Variants in COPA observed in about 807,000 individuals in gnomAD.
The protein encoded by COPA is coat protein complex I subunit alpha.
A neutral mutation model predicts 158.7 loss-of-function variants in COPA; 10 were observed. That is an observed-to-expected ratio of 0.06 (90% CI 0.04 to 0.11). The LOEUF is 0.11. Among genes scored for constraint, COPA ranks in the 10% least tolerant of loss-of-function variants. The probability of loss-of-function intolerance (pLI) is 1.00; values close to 1 mark genes in which losing one functional copy is unlikely to be tolerated. For missense variants in COPA, 1,065 were observed against 1,536.7 expected, an observed-to-expected ratio of 0.69 and a Z score of 5.13; for synonymous variants, 462 against 542.8, an observed-to-expected ratio of 0.85 and a Z score of 2.07.
Position 160,340,307 on chromosome 1 carries a change from G to C in COPA, c.41-13C>G, listed in dbSNP as rs1462460658. ...TGAAAGCTGAGCCCTGAAAAAAATA[G>C]AAAATGATACAATGAGCTAACTAAG... On this transcript the variant is annotated splice_polypyrimidine_tract_variant and intron_variant, in intron 1 of 32. Transcript: ENST00000241704. The C allele has an allele frequency of 6.4e-7, 1 of 1,561,646 alleles. No homozygotes were observed. Among genetic ancestry groups the C allele is most frequent in the African/African-American group, 1.4e-5 (1 of 73,860 alleles).
rs1007906183 is a variant in COPA, at chr1:160,299,202, T to C, written c.1730A>G (p.Asn577Ser). Reference protein sequence around the residue: ...PIYVTRVKGNNVYCLDRECRP... With the variant: ...PIYVTRVKGNSVYCLDRECRP... Reference sequence around the variant, plus strand: ...ACACTCCCTGTCTAGGCAGTATACATTGTTGCCCTTCACCCGTGTGACATA... The same window carrying C: ...ACACTCCCTGTCTAGGCAGTATACACTGTTGCCCTTCACCCGTGTGACATA... The change falls in exon 18 of 33, where the codon AAT (asparagine) becomes AGT (serine). Residue 577 changes from asparagine (N) to serine (S), a missense_variant. Asn to Ser is a conservative substitution (Grantham distance 46, BLOSUM62 1). This residue lies in a region of COPA where 980 missense variants were observed against 1,357.8 expected (regional missense o/e 0.72). Coordinates refer to ENST00000241704, the MANE Select transcript of COPA (RefSeq NM_004371.4). The C allele has an allele frequency of 6.2e-7, 1 of 1,614,070 alleles. No individual in the cohort carries two copies. Among genetic ancestry groups the C allele is most frequent in the African/African-American group, 1.3e-5 (1 of 74,920 alleles).
Position 160,295,857 on chromosome 1 carries a change from G to T in COPA, c.2355C>A (p.Ile785=). Residue 785 remains isoleucine, a splice_region_variant and synonymous_variant, in exon 23 of 33, where the codon ATC becomes ATA. Coordinates refer to ENST00000241704, the MANE Select transcript of COPA (RefSeq NM_004371.4). The stretch of plus-strand genomic sequence containing the variant: ...GCTTGGCATTAGGGTCAATGTCTGG[G>T]ATCTGAATAGTAGAAGAAAAGAGGC... The part of the protein sequence containing the change: ...KETFDPEKET[I]PDIDPNAKLL... 1 of 1,604,524 alleles carries T rather than the reference G, an allele frequency of 6.2e-7. No individual in the cohort carries two copies. The highest frequency in any genetic ancestry group is 8.5e-7 in the Non-Finnish European group (1 of 1,177,410).
intron 8 of COPA, among the ~76,000 whole-genome samples, chr1:160,314,919 C>T (rs542565532): frequency 4.6e-5 from 7 of 152,140 alleles, no homozygotes; most frequent in African/African-American, 1.4e-4. Context: ...TCATACTCCT[C>T]AAAATAAGGG....
chr1:160,296,175 ATAGG>A, intron 21 of COPA, 26 bp from the exon 22 acceptor site: 1 of 1,601,634 alleles, frequency 6.2e-7, no homozygotes, highest in African/African-American at 1.3e-5. Flanking sequence ...ACTTTGTGGT[ATAGG>A]TACATTTCCA....
At chr1:160,294,407 T>C (rs1246448599) in intron 25 of COPA, 77 bp downstream of exon 25, 7 of 1,248,920 alleles carry the variant, frequency 5.6e-6, no homozygotes, top group African/African-American at 3.0e-5. Context: ...CTGAGGATAG[T>C]GGTAGGGGAC....
At chr1:160,310,520 C>A (rs1190828013) in intron 11 of COPA, 2 of 266,706 alleles carry the variant, frequency 7.5e-6, no homozygotes. Flanking sequence ...GTAGGGTTAA[C>A]ACTCACTGTA....
Position 160,305,363 on chromosome 1 carries a change from C to T in COPA, c.1667+70G>A, listed in dbSNP as rs1340647160. ...GAAAATTCATGGAGGACTTCAGTTACATCTCAAGACAAGACAGTGATTTCA... is the reference window on the plus strand; with the variant it reads ...GAAAATTCATGGAGGACTTCAGTTATATCTCAAGACAAGACAGTGATTTCA... On this transcript the variant is annotated intron_variant, in intron 17 of 32. Coordinates refer to ENST00000241704, the MANE Select transcript of COPA (RefSeq NM_004371.4). 8 of 1,498,204 alleles carry T rather than the reference C, an allele frequency of 5.3e-6. No individual in the cohort carries two copies. In the Admixed American group the frequency reaches 7.3e-5, roughly 14 times the overall value. The allele number at this position is 1,498,204 out of a possible 1,614,324, so 92.8% of individuals were successfully genotyped here. A position where few individuals can be genotyped will look rare whatever the true frequency, so the allele number is the denominator to read the frequency against.
rs1019701478 is a variant in COPA at position 160,305,994 on chromosome 1, T to C, written c.1443-221A>G. 15 of 593,404 alleles carry C rather than the reference T, an allele frequency of 2.5e-5. No individual in the cohort carries two copies. The African/African-American group carries it at 2.8e-4, about 11-fold the overall frequency. 36.8% of individuals were successfully genotyped at this position (593,404 alleles called of 1,614,324 possible). A position where few individuals can be genotyped will look rare whatever the true frequency, so the allele number is the denominator to read the frequency against. ...CCTTCCTCAACCCCCTCTCCCTCAT[T>C]TCCTTGTATTATTAGGGAATCTGTG... On this transcript the variant is annotated intron_variant, in intron 15 of 32. Transcript: ENST00000241704.
In COPA at chr1:160,299,514, C is replaced by T. The variant is rs61801293; in HGVS notation, c.1668-250G>A. Among the ~76,000 whole-genome samples the T allele has an allele frequency of 5.8e-3, 884 of 152,154 alleles. 1 individual carries two copies. Among genetic ancestry groups the T allele is most frequent in the Middle Eastern group, 0.017 (5 of 294 alleles). On this transcript the variant is annotated intron_variant, in intron 17 of 32. Transcript: ENST00000241704. The stretch of plus-strand genomic sequence containing the variant: ...ACAGATGTGGCTATAGGAATCAGAC[C>T]TAAAAGTTAAATCTTAAGTTCTGAT...
intron 27 of COPA, 52 bp downstream of exon 27, chr1:160,293,114 C>G: frequency 6.4e-7 from 1 of 1,567,486 alleles, no homozygotes; most frequent in South Asian, 1.1e-5. Context: ...TCAACCATCT[C>G]CCGGGGACCC....
rs150479655 is a variant in COPA at position 160,332,328 on chromosome 1, C to T, written c.496+120G>A. ...TTCAACAACCTCAGAAACAAAGATGCTATTATAAAACAGAATATTCTAAAT... is the reference window on the plus strand; with the variant it reads ...TTCAACAACCTCAGAAACAAAGATGTTATTATAAAACAGAATATTCTAAAT... On this transcript the variant is annotated intron_variant, in intron 6 of 32. Coordinates refer to ENST00000241704, the MANE Select transcript of COPA (RefSeq NM_004371.4). 5 of 518,536 alleles carry T rather than the reference C, an allele frequency of 9.6e-6. No individual in the cohort carries two copies. In the Admixed American group the frequency reaches 1.1e-4, roughly 12 times the overall value. The allele number at this position is 518,536 out of a possible 1,614,324, so 32.1% of individuals were successfully genotyped here.
At chr1:160,298,033 T>A (rs1419403503) in intron 19 of COPA, among the ~76,000 whole-genome samples, 1 of 151,694 alleles carries the variant, frequency 6.6e-6, no homozygotes, top group African/African-American at 2.4e-5. Flanking sequence ...CAAAAAAAAT[T>A]AGCTGGGAAT....
Position 160,307,221 on chromosome 1 carries a change from C to G in COPA, c.1244G>C (p.Gly415Ala). 5.0e-6 allele frequency: 8 copies of G among 1,614,154 alleles called. No individual in the cohort carries two copies. Among genetic ancestry groups the G allele is most frequent in the Non-Finnish European group, 6.8e-6 (8 of 1,180,008 alleles). The change falls in exon 14 of 33, where the codon GGC becomes GCC. Residue 415 changes from glycine (G) to alanine (A), a missense_variant. Gly to Ala is a moderately conservative substitution (Grantham distance 60, BLOSUM62 0). Coordinates refer to ENST00000241704, the MANE Select transcript of COPA (RefSeq NM_004371.4). ...PDAPEGKRSSGLTAVWVARNR... is the reference protein window; with the variant it reads ...PDAPEGKRSSALTAVWVARNR... ...TCGAGCGACCCAAACGGCTGTCAGG[C>G]CTGAGGATCGTTTCCCTTCAGGCGC... is the stretch of plus-strand genomic sequence containing the variant.
intron 17 of COPA, among the ~76,000 whole-genome samples, chr1:160,301,570 C>T (rs1027251529): frequency 1.3e-5 from 2 of 151,904 alleles, no homozygotes; most frequent in African/African-American, 4.8e-5. Context: ...CCCAGGAGTT[C>T]AAGACCAGCC....
chr1:160,292,366 A>T, intron 28 of COPA, 118 bp downstream of exon 28: 1 of 1,579,754 alleles, frequency 6.3e-7, no homozygotes, highest in South Asian at 1.2e-5. Context: ...CAAACCAAAG[A>T]TCTTTTTCTA....
chr1:160,295,794 G>A lies in COPA; in HGVS notation c.2418C>T (p.Thr806=), dbSNP rs1459719305. ...TGGATACAGTCAATAAAGGCCAATT[G>A]GTATCCAATGGCATGATAGGTGCAG... ...QPPAPIMPLD[T]NWPLLTVSKG... is the part of the protein sequence containing the mutation. Residue 806 remains threonine, a synonymous_variant, in exon 23 of 33, where the codon ACC becomes ACT. Coordinates refer to ENST00000241704, the MANE Select transcript of COPA (RefSeq NM_004371.4). The A allele has an allele frequency of 6.2e-7, 1 of 1,613,462 alleles. No individual in the cohort carries two copies.
intron 8 of COPA, among the ~76,000 whole-genome samples, chr1:160,314,624 T>A (rs1166341208): frequency 6.6e-6 from 1 of 152,190 alleles, no homozygotes; most frequent in Non-Finnish European, 1.5e-5. Flanking sequence ...AGCAAGACCC[T>A]GTCTCAAAAA....
chr1:160,290,151 G>T lies in COPA; in HGVS notation c.*6C>A. 1 of 1,614,030 alleles carries T rather than the reference G, an allele frequency of 6.2e-7. No individual in the cohort carries two copies. The highest frequency in any genetic ancestry group is 8.5e-7 in the Non-Finnish European group (1 of 1,179,934). On this transcript the variant is annotated 3_prime_UTR_variant, in exon 33 of 33. Transcript: ENST00000241704. Reference sequence around the variant, plus strand: ...TGGTGACTGACCCATGCACACAAAGGGGGCCTTAGCGAAACTGCAGAGGAC... The same window carrying T: ...TGGTGACTGACCCATGCACACAAAGTGGGCCTTAGCGAAACTGCAGAGGAC...
At chr1:160,335,161 C>A in intron 4 of COPA, 81 bp downstream of exon 4, 1 of 1,263,228 alleles carries the variant, frequency 7.9e-7, no homozygotes, top group Non-Finnish European at 1.1e-6. Context: ...ATTATTAAAA[C>A]ATGGGTTCTC....
Sources: gnomAD v4.1 joint callset for allele counts (sites outside exome capture counted in the v4.1 genomes callset) on GRCh38, gnomAD v4.1.1 for gene constraint, gnomAD v4.1.1 regional missense constraint, MANE v1.5 for transcripts, NCBI Gene and HGNC (gene_info 2026-07-23, HGNC 2026-07-21) for gene names.